The following ADORA2B variants were observed in gnomAD, a reference collection of about 807,000 sequenced individuals.
ADORA2B encodes the protein adenosine A2b receptor.
In ADORA2B, 18 loss-of-function variants were observed where a neutral mutation model predicts 20.8. The observed-to-expected ratio is 0.87, with a 90% confidence interval of 0.60 to 1.29. The LOEUF is 1.29. Ranked by LOEUF, ADORA2B falls within the 50% of genes most tolerant of loss-of-function variation. The pLI is 0.00. For synonymous variants in ADORA2B, 179 were observed against 178.3 expected, an observed-to-expected ratio of 1.00 and a Z score of -0.03; for missense variants, 441 against 422.7, an observed-to-expected ratio of 1.04 and a Z score of -0.38.
At chr17:15,916,141 ACT>A in the ADORA2B span, among the ~76,000 whole-genome samples, 1 of 151,962 alleles carries the variant, frequency 6.6e-6, no homozygotes, top group Non-Finnish European at 1.5e-5. Flanking sequence ...ACAGGCGAAG[ACT>A]CTTGCAGCCC....
the ADORA2B span, among the ~76,000 whole-genome samples, chr17:15,891,036 G>A: frequency 3.3e-5 from 5 of 152,220 alleles, no homozygotes; most frequent in Admixed American, 3.3e-4. Flanking sequence ...GGAGGCCAAG[G>A]CAGGCAGATC....
chr17:15,918,080 G>A, the ADORA2B span, among the ~76,000 whole-genome samples: 1 of 152,208 alleles, frequency 6.6e-6, no homozygotes, highest in Non-Finnish European at 1.5e-5. Context: ...TGCGCTCGGG[G>A]TGGCAGCGTG....
the ADORA2B span, among the ~76,000 whole-genome samples, chr17:15,900,072 C>T: frequency 0.24 from 35,755 of 151,880 alleles, 4,410 homozygotes; most frequent in Non-Finnish European, 0.27. Context: ...CCTCGTGATC[C>T]GCTTGCCTCG....
chr17:15,918,985 C>T, the ADORA2B span, among the ~76,000 whole-genome samples: 8 of 152,240 alleles, frequency 5.3e-5, no homozygotes, highest in Admixed American at 1.3e-4. Flanking sequence ...GTCCTGAGCC[C>T]CCACCACCAA....
In ADORA2B at chr17:15,945,575, C is replaced by T. The variant is rs1969792664; in HGVS notation, c.327C>T (p.Val109=). The T allele has an allele frequency of 2.0e-6, 3 of 1,531,654 alleles. No homozygotes were observed. Among genetic ancestry groups the T allele is most frequent in the African/African-American group, 1.4e-5 (1 of 72,816 alleles). 94.9% of individuals were successfully genotyped at this position (1,531,654 alleles called of 1,614,324 possible). The change falls in exon 1 of 2, where the codon GTC becomes GTT. Residue 109 remains valine (V), a synonymous_variant. Coordinates refer to ENST00000304222, the MANE Select transcript of ADORA2B (RefSeq NM_000676.4). The stretch of plus-strand genomic sequence containing the variant: ...TCGACAGATACCTGGCCATCTGTGT[C>T]CCGCTCAGGTGAGGCGCTCGGCGTC... The part of the protein sequence containing the change: ...VAVDRYLAIC[V]PLRYKSLVTG...
chr17:15,919,552 G>A, the ADORA2B span, among the ~76,000 whole-genome samples: 3 of 152,306 alleles, frequency 2.0e-5, no homozygotes, highest in South Asian at 6.2e-4. Context: ...CCCTCAACCA[G>A]GGACTACAAG....
chr17:15,953,754 G>T (rs4791657), intron 1 of ADORA2B, among the ~76,000 whole-genome samples: 1 of 152,058 alleles, frequency 6.6e-6, no homozygotes, highest in Admixed American at 6.5e-5. Context: ...CTGTGAGCGC[G>T]CTGCCTCTCA....
At chr17:15,966,015 A>G (rs1402225087) in intron 1 of ADORA2B, among the ~76,000 whole-genome samples, 1 of 152,220 alleles carries the variant, frequency 6.6e-6, no homozygotes, top group Non-Finnish European at 1.5e-5. Flanking sequence ...CTCTAGTGAC[A>G]ATGTTTTGTA....
the ADORA2B span, among the ~76,000 whole-genome samples, chr17:15,859,136 T>G: frequency 6.6e-6 from 1 of 152,148 alleles, no homozygotes; most frequent in Non-Finnish European, 1.5e-5. Flanking sequence ...ATTCTTTTAA[T>G]TGCCAAGATG....
chr17:15,930,213 T>C, the ADORA2B span, among the ~76,000 whole-genome samples: 1 of 152,110 alleles, frequency 6.6e-6, no homozygotes, highest in Non-Finnish European at 1.5e-5. Context: ...TAGGAAGAAC[T>C]TTTTAAATTT....
chr17:15,949,963 A>G (rs1380709827), intron 1 of ADORA2B, among the ~76,000 whole-genome samples: 7 of 152,166 alleles, frequency 4.6e-5, no homozygotes, highest in Non-Finnish European at 1.0e-4. Flanking sequence ...CATCAGTGTT[A>G]CCTTTCTCTT....
At chr17:15,925,443 C>T in the ADORA2B span, among the ~76,000 whole-genome samples, 1 of 152,194 alleles carries the variant, frequency 6.6e-6, no homozygotes, top group African/African-American at 2.4e-5. Context: ...GCCACCGAGT[C>T]TAGCCTGAAA....
At chr17:15,907,239 T>G in the ADORA2B span, among the ~76,000 whole-genome samples, 4 of 151,884 alleles carry the variant, frequency 2.6e-5, no homozygotes, top group Non-Finnish European at 4.4e-5. Context: ...TTGTTCTAGG[T>G]GTACCTGCGT....
the ADORA2B span, among the ~76,000 whole-genome samples, chr17:15,863,429 T>C: frequency 7.2e-4 from 109 of 152,302 alleles, no homozygotes; most frequent in Middle Eastern, 3.4e-3. Context: ...CACTACATCC[T>C]TGAACTCCTG....
At chr17:15,898,589 G>A in the ADORA2B span, among the ~76,000 whole-genome samples, 2 of 151,724 alleles carry the variant, frequency 1.3e-5, no homozygotes, top group Middle Eastern at 3.4e-3. Context: ...GGCTGGTCTC[G>A]AACTCCTGAC....
At chr17:15,964,872 T>A (rs370551434) in intron 1 of ADORA2B, among the ~76,000 whole-genome samples, 6 of 151,924 alleles carry the variant, frequency 3.9e-5, no homozygotes, top group Middle Eastern at 3.4e-3. Context: ...CCATCCTGGC[T>A]AACACGGTGA....
At chr17:15,868,314 T>C in the ADORA2B span, among the ~76,000 whole-genome samples, 1 of 135,884 alleles carries the variant, frequency 7.4e-6, no homozygotes, top group Non-Finnish European at 1.6e-5. Flanking sequence ...CCTCCACTAT[T>C]GTCCTGTGAC....
rs116248073 is a variant in ADORA2B at position 15,947,806 on chromosome 17, G to A, written c.335+2223G>A. Among the ~76,000 whole-genome samples, 387 of 152,358 alleles carry A rather than the reference G, an allele frequency of 2.5e-3. 3 individuals are homozygous for A. The highest frequency in any genetic ancestry group is 8.8e-3 in the African/African-American group (368 of 41,586). Reference sequence around the variant, plus strand: ...AATACAGATTACAGGGCCTCACCTGGTTGTACTGAATCAGAATCTCTGGAG... The same window carrying A: ...AATACAGATTACAGGGCCTCACCTGATTGTACTGAATCAGAATCTCTGGAG... On this transcript the variant is annotated intron_variant, in intron 1 of 1. Coordinates refer to ENST00000304222, the MANE Select transcript of ADORA2B (RefSeq NM_000676.4).
chr17:15,932,357 G>A, the ADORA2B span, among the ~76,000 whole-genome samples: 1 of 152,042 alleles, frequency 6.6e-6, no homozygotes, highest in African/African-American at 2.4e-5. Context: ...GCTGGGTATG[G>A]TGGCATATGC....
Sources: allele counts gnomAD v4.1 joint callset (sites outside exome capture counted in the v4.1 genomes callset), GRCh38; gene constraint gnomAD v4.1.1; transcripts MANE v1.5; gene names NCBI Gene and HGNC (gene_info 2026-07-23, HGNC 2026-07-21).